BARD1: variants seen among roughly 807,000 people sequenced by gnomAD.
The protein encoded by BARD1 is BRCA1 associated RING domain 1.
BARD1 carries 73 observed loss-of-function variants against 77.0 expected under a neutral mutation model. That is an observed-to-expected ratio of 0.95 (90% CI 0.79 to 1.15). BARD1 has a LOEUF of 1.15. Ranked by LOEUF, BARD1 falls within the 50% of genes most tolerant of loss-of-function variation. The probability of loss-of-function intolerance (pLI) is 0.00; values close to 1 mark genes in which losing one functional copy is unlikely to be tolerated. For synonymous variants in BARD1, 384 were observed against 338.0 expected (o/e 1.14, Z -1.49); for missense variants, 993 against 938.8 (o/e 1.06, Z -0.75).
intron 6 of BARD1, among the ~76,000 whole-genome samples, chr2:214,764,678 C>T (rs754173397): frequency 3.9e-5 from 6 of 152,052 alleles, no homozygotes; most frequent in Admixed American, 1.3e-4. Flanking sequence ...GAGGAAGCCA[C>T]GGAAGGATTT....
intron 1 of BARD1, among the ~76,000 whole-genome samples, chr2:214,807,677 T>C (rs73989370): frequency 0.075 from 11,433 of 152,276 alleles, 503 homozygotes; most frequent in African/African-American, 0.12. Context: ...AAATTTATGA[T>C]TATTAATGAA....
At chr2:214,735,855 A>C (rs934735434) in intron 9 of BARD1, among the ~76,000 whole-genome samples, 1 of 152,130 alleles carries the variant, frequency 6.6e-6, no homozygotes. Context: ...CAAGACGCTG[A>C]GTCTTTCCTG....
chr2:214,749,121 A>C (rs1467964637), intron 7 of BARD1, among the ~76,000 whole-genome samples: 1 of 151,912 alleles, frequency 6.6e-6, no homozygotes, highest in Non-Finnish European at 1.5e-5. Flanking sequence ...CTCTGCTAAG[A>C]CGATGCTAGA....
chr2:214,729,195 G>A (rs1692240098), intron 10 of BARD1, among the ~76,000 whole-genome samples, 187 bp from the exon 11 acceptor site: 1 of 152,322 alleles, frequency 6.6e-6, no homozygotes, highest in Middle Eastern at 3.4e-3. Flanking sequence ...GGTATCTTAA[G>A]GATGAGGCTC....
chr2:214,730,914 T>C (rs1692326088), intron 9 of BARD1: 1 of 457,438 alleles, frequency 2.2e-6, no homozygotes, highest in Non-Finnish European at 4.4e-6. Context: ...TTACCATCTA[T>C]ACTGCTCATT....
intron 5 of BARD1, among the ~76,000 whole-genome samples, chr2:214,768,721 C>A (rs547759708): frequency 6.6e-6 from 1 of 152,330 alleles, no homozygotes; most frequent in East Asian, 1.9e-4. Context: ...TTATGCTTCA[C>A]ACTTTTTTAG....
chr2:214,769,299 GA>G lies in BARD1; in HGVS notation c.1327del (p.Ser443LeufsTer32). Reference sequence around the variant, plus strand: ...TCCATTTTGTAAAAGGTATTCAACAGAAGGTATGTCGCCCTAGAAAAATGAA... The same window carrying G: ...TCCATTTTGTAAAAGGTATTCAACAGAGGTATGTCGCCCTAGAAAAATGAA... ...HIASIKGDIP[S>X]VEYLLQNGSD... On this transcript the variant is annotated frameshift_variant, in exon 5 of 11. Transcript: ENST00000260947. LOFTEE classifies it high-confidence loss of function. 1 of 1,613,192 alleles carries G rather than the reference GA, an allele frequency of 6.2e-7. No individual in the cohort carries two copies. The highest frequency in any genetic ancestry group is 1.3e-5 in the African/African-American group (1 of 75,006).
At position 214,806,875 on chromosome 2, in the gene BARD1, G is replaced by GAAAAAAAAAAAAAAAAAAAAAAAAAAAAA; in HGVS notation, c.158+2536_158+2537insTTTTTTTTTTTTTTTTTTTTTTTTTTTTT. 1.9e-5 allele frequency among the ~76,000 whole-genome samples: 2 copies of GAAAAAAAAAAAAAAAAAAAAAAAAAAAAA among 105,988 alleles called. 1 individual carries two copies. Among genetic ancestry groups the GAAAAAAAAAAAAAAAAAAAAAAAAAAAAA allele is most frequent in the Admixed American group, 2.1e-4 (2 of 9,422 alleles). 69.5% of individuals were successfully genotyped at this position (105,988 alleles called of 152,430 possible). ...GGTGACAGAGTGAAACTTTGCCTAG[G>GAAAAAAAAAAAAAAAAAAAAAAAAAAAAA]GAAAAAAAAAAAAAAAAGGCACCCC... is the stretch of plus-strand genomic sequence containing the variant. On this transcript the variant is annotated intron_variant, in intron 1 of 10. Coordinates refer to ENST00000260947, the MANE Select transcript of BARD1 (RefSeq NM_000465.4).
intron 5 of BARD1, among the ~76,000 whole-genome samples, chr2:214,768,268 T>C (rs1383414175): frequency 6.8e-6 from 1 of 147,112 alleles, no homozygotes; most frequent in African/African-American, 2.5e-5. Flanking sequence ...TGTATTCTAA[T>C]AAATCTCTGG....
intron 3 of BARD1, among the ~76,000 whole-genome samples, chr2:214,784,685 T>C (rs575187468): frequency 6.6e-6 from 1 of 152,268 alleles, no homozygotes; most frequent in Admixed American, 6.5e-5. Flanking sequence ...CACCATGGAA[T>C]ACTATACACC....
Position 214,747,545 on chromosome 2 carries a change from T to C in BARD1, c.1678-1691A>G, listed in dbSNP as rs550894201. ...GCAGCCATAAAAAAGGATGAGTTCA[T>C]GTCCTTTGTAGGGACATGGATGAAA... On this transcript the variant is annotated intron_variant, in intron 7 of 10. Transcript: ENST00000260947. 9.2e-5 allele frequency among the ~76,000 whole-genome samples: 14 copies of C among 151,876 alleles called. No individual in the cohort carries two copies. In the East Asian group the frequency reaches 2.7e-3, roughly 29 times the overall value.
chr2:214,793,530 T>C (rs72944269), intron 2 of BARD1, among the ~76,000 whole-genome samples: 13,304 of 152,148 alleles, frequency 0.087, 1,018 homozygotes, highest in East Asian at 0.42. Flanking sequence ...GTAAAACTGA[T>C]TACTCATGCA....
At chr2:214,754,668 A>C (rs1052158593) in intron 6 of BARD1, among the ~76,000 whole-genome samples, 2 of 152,176 alleles carry the variant, frequency 1.3e-5, no homozygotes, top group African/African-American at 4.8e-5. Flanking sequence ...ATTTACATTT[A>C]GGATCCTTAC....
Position 214,762,515 on chromosome 2 carries a change from G to A in BARD1, c.1568+4967C>T. On this transcript the variant is annotated intron_variant, in intron 6 of 10. Coordinates refer to ENST00000260947, the MANE Select transcript of BARD1 (RefSeq NM_000465.4). ...AAATGGAGACATGCAGCTTGGTCCT[G>A]ATTACTTTTTAGAAGCTATGAGTCT... Among the ~76,000 whole-genome samples the A allele has an allele frequency of 1.3e-5, 2 of 152,134 alleles. 1 individual carries two copies. The highest frequency in any genetic ancestry group is 2.9e-5 in the Non-Finnish European group (2 of 68,014).
intron 2 of BARD1, among the ~76,000 whole-genome samples, chr2:214,795,667 A>G (rs1445724418): frequency 6.6e-6 from 1 of 152,174 alleles, no homozygotes; most frequent in Non-Finnish European, 1.5e-5. Flanking sequence ...AAATTCAGAA[A>G]AAAGGTGGAA....
intron 9 of BARD1, among the ~76,000 whole-genome samples, chr2:214,736,987 G>C (rs75508961): frequency 0.067 from 10,120 of 152,136 alleles, 477 homozygotes; most frequent in African/African-American, 0.13. Flanking sequence ...TTCCTGAAAA[G>C]AAAGGATGTT....
At chr2:214,748,234 A>G (rs1225225112) in intron 7 of BARD1, among the ~76,000 whole-genome samples, 1 of 152,208 alleles carries the variant, frequency 6.6e-6, no homozygotes, top group Non-Finnish European at 1.5e-5. Flanking sequence ...TCTCACAGTT[A>G]AAGAGTGCTA....
chr2:214,759,777 G>A (rs1693863666), intron 6 of BARD1, among the ~76,000 whole-genome samples: 1 of 152,080 alleles, frequency 6.6e-6, no homozygotes, highest in Admixed American at 6.5e-5. Context: ...GGAAAAAATA[G>A]GATTGGGAGA....
chr2:214,766,990 A>G (rs74423599), intron 6 of BARD1, among the ~76,000 whole-genome samples: 1 of 152,014 alleles, frequency 6.6e-6, no homozygotes, highest in African/African-American at 2.4e-5. Flanking sequence ...TCCACACTCA[A>G]GTAGACTCTG....
Sources: allele counts gnomAD v4.1 joint callset (sites outside exome capture counted in the v4.1 genomes callset), GRCh38; gene constraint gnomAD v4.1.1; transcripts MANE v1.5; gene names NCBI Gene and HGNC (gene_info 2026-07-23, HGNC 2026-07-21).